SHROOM2: variants seen among roughly 807,000 people sequenced by gnomAD.
SHROOM2 encodes shroom family member 2.
A neutral mutation model predicts 75.9 loss-of-function variants in SHROOM2; 33 were observed. That is an observed-to-expected ratio of 0.43 (90% confidence interval 0.33 to 0.58). The LOEUF is 0.58. Ranked by LOEUF, SHROOM2 falls within the 20% of genes least tolerant of loss-of-function variation. SHROOM2 has a pLI of 0.04. For synonymous variants in SHROOM2, 655 were observed against 663.6 expected (o/e 0.99, Z 0.20); for missense variants, 1,434 against 1,461.2 (o/e 0.98, Z 0.30).
chrX:9,879,127 G>A (rs1014062091), intron 2 of SHROOM2, among the ~76,000 whole-genome samples: 3 of 111,449 alleles, frequency 2.7e-5, no homozygotes, highest in Non-Finnish European at 5.7e-5. Flanking sequence ...GGTGGCTACT[G>A]ACAGGCACAA....
chrX:9,949,218 A>T lies in SHROOM2; in HGVS notation c.*2281A>T, dbSNP rs1412290347. The T allele has an allele frequency of 3.6e-6, 1 of 277,163 alleles. No individual in the cohort carries two copies. The highest frequency in any genetic ancestry group is 2.8e-5 in the African/African-American group (1 of 35,618). The allele number at this position is 277,163 out of a possible 1,213,427, so 22.8% of individuals were successfully genotyped here. On this transcript the variant is annotated 3_prime_UTR_variant, in exon 10 of 10. Coordinates refer to ENST00000380913, the MANE Select transcript of SHROOM2 (RefSeq NM_001649.4). ...TAGTTGTATTATTCATAGAAAATCAATCTGGTGCTAATGGTTGGCCCTGGT... is the reference window on the plus strand; with the variant it reads ...TAGTTGTATTATTCATAGAAAATCATTCTGGTGCTAATGGTTGGCCCTGGT...
intron 6 of SHROOM2, among the ~76,000 whole-genome samples, chrX:9,934,140 C>T (rs1478621341): frequency 1.8e-5 from 2 of 111,450 alleles, no homozygotes; most frequent in African/African-American, 6.5e-5. Context: ...AGCACAGGAC[C>T]CACCATCACC....
intron 1 of SHROOM2, among the ~76,000 whole-genome samples, chrX:9,833,632 GTGTGTGTGTGTGTGCA>G (rs1483828516): frequency 3.6e-5 from 4 of 109,893 alleles, no homozygotes; most frequent in African/African-American, 1.3e-4. Context: ...GTGTGTGTGT[GTGTGTGTGTGTGTGCA>G]TGCACGTGCA....
intron 3 of SHROOM2, among the ~76,000 whole-genome samples, chrX:9,891,382 T>C (rs1425787747): frequency 8.9e-6 from 1 of 112,604 alleles, no homozygotes; most frequent in Admixed American, 9.4e-5. Context: ...AGTAGGGTTC[T>C]GAGCCGGTGG....
At chrX:9,827,828 G>A (rs1231477037) in intron 1 of SHROOM2, among the ~76,000 whole-genome samples, 1 of 110,692 alleles carries the variant, frequency 9.0e-6, no homozygotes, top group East Asian at 2.9e-4. Context: ...CGGGGTGGTT[G>A]GGCTGCATTG....
At position 9,932,314 on chromosome X, in the gene SHROOM2, C is replaced by T. The variant is rs760448051; in HGVS notation, c.3031C>T (p.Arg1011Ter). 3.3e-6 allele frequency: 4 copies of T among 1,208,409 alleles called. No individual in the cohort carries two copies. Among genetic ancestry groups the T allele is most frequent in the Non-Finnish European group, 3.4e-6 (3 of 893,694 alleles). The change falls in exon 6 of 10, where the codon CGA becomes TGA. Residue 1011 changes from arginine to a stop codon, truncating the protein, a stop_gained. Transcript: ENST00000380913. LOFTEE classifies it high-confidence loss of function. ...AGAGCTGCCCCGGGAGGGCCGGGGCCGAGCGGGAACCCTACCTCGAGATTA... is the reference window on the plus strand; with the variant it reads ...AGAGCTGCCCCGGGAGGGCCGGGGCTGAGCGGGAACCCTACCTCGAGATTA... ...APELPREGRG[R>*]AGTLPRDYRY...
At position 9,932,253 on chromosome X, in the gene SHROOM2, C is replaced by T; in HGVS notation, c.2970C>T (p.Pro990=). ...HPPSQKAPNP[P]TFSELSHCRG... ...CGAGTCAGAAGGCACCGAACCCACC[C>T]ACATTCTCTGAACTATCTCACTGCC... Residue 990 remains proline, a synonymous_variant, in exon 6 of 10, where the codon CCC becomes CCT. Transcript: ENST00000380913. 8.4e-7 allele frequency: 1 copy of T among 1,187,657 alleles called. No individual in the cohort carries two copies. The highest frequency in any genetic ancestry group is 1.1e-6 in the Non-Finnish European group (1 of 881,858).
At chrX:9,847,426 C>T (rs763086812) in intron 1 of SHROOM2, among the ~76,000 whole-genome samples, 3 of 112,094 alleles carry the variant, frequency 2.7e-5, no homozygotes, top group Non-Finnish European at 5.6e-5. Flanking sequence ...AATAGCTGTG[C>T]GAATCCAAAT....
chrX:9,888,367 G>C (rs1212803182), intron 2 of SHROOM2, among the ~76,000 whole-genome samples: 1 of 112,295 alleles, frequency 8.9e-6, no homozygotes, highest in Non-Finnish European at 1.9e-5. Context: ...CTTTCCATAC[G>C]GCCTTATCCA....
chrX:9,937,258 C>G lies in SHROOM2; in HGVS notation c.3712C>G (p.Leu1238Val), dbSNP rs1315464749. The G allele has an allele frequency of 8.3e-7, 1 of 1,210,556 alleles. No homozygotes were observed. The highest frequency in any genetic ancestry group is 1.1e-6 in the Non-Finnish European group (1 of 894,851). The change falls in exon 7 of 10, where the codon CTG becomes GTG. Residue 1238 changes from leucine to valine, a missense_variant. Physicochemically the swap from Leu to Val is conservative, Grantham distance 32 (BLOSUM62 1). Coordinates refer to ENST00000380913, the MANE Select transcript of SHROOM2 (RefSeq NM_001649.4). ...SLACPAEPPA[L>V]PHGLEKDQIK... ...GGCATGCCCCGCCGAGCCACCTGCC[C>G]TGCCCCACGGGCTGGAGAAAGACCA...
At chrX:9,881,383 G>A (rs1359507507) in intron 2 of SHROOM2, among the ~76,000 whole-genome samples, 2 of 111,224 alleles carry the variant, frequency 1.8e-5, no homozygotes, top group Middle Eastern at 4.7e-3. Flanking sequence ...AAGACACAGA[G>A]GAATGTTCTC....
At chrX:9,887,101 A>C (rs1167823737) in intron 2 of SHROOM2, among the ~76,000 whole-genome samples, 1 of 112,083 alleles carries the variant, frequency 8.9e-6, no homozygotes, top group East Asian at 2.8e-4. Context: ...CACTGAATTA[A>C]TTCTTATTTT....
chrX:9,831,905 C>T (rs1180098176), intron 1 of SHROOM2, among the ~76,000 whole-genome samples: 1 of 110,695 alleles, frequency 9.0e-6, no homozygotes, highest in East Asian at 2.9e-4. Flanking sequence ...AAGGCCCCAC[C>T]TCCTAACACC....
chrX:9,888,361 C>G (rs2084272449), intron 2 of SHROOM2, among the ~76,000 whole-genome samples: 1 of 112,462 alleles, frequency 8.9e-6, no homozygotes, highest in South Asian at 3.6e-4. Flanking sequence ...GTGTCGCTTT[C>G]CATACGGCCT....
At chrX:9,867,289 G>C (rs1035961006) in intron 1 of SHROOM2, among the ~76,000 whole-genome samples, 1 of 111,404 alleles carries the variant, frequency 9.0e-6, no homozygotes, top group Non-Finnish European at 1.9e-5. Context: ...AACAGTATTT[G>C]CCCGGGTGTG....
intron 1 of SHROOM2, among the ~76,000 whole-genome samples, chrX:9,840,685 G>T (rs891500605): frequency 2.7e-5 from 3 of 112,028 alleles, no homozygotes; most frequent in Non-Finnish European, 5.6e-5. Flanking sequence ...TTATAGTAGG[G>T]TAGATGCTTC....
At chrX:9,941,037 G>T (rs372090826) in intron 8 of SHROOM2, among the ~76,000 whole-genome samples, 1 of 112,133 alleles carries the variant, frequency 8.9e-6, no homozygotes, top group South Asian at 3.7e-4. Flanking sequence ...TTATACTTGG[G>T]GCAGCTCAGA....
chrX:9,831,486 C>T (rs2083915865), intron 1 of SHROOM2, among the ~76,000 whole-genome samples: 1 of 111,559 alleles, frequency 9.0e-6, no homozygotes, highest in Non-Finnish European at 1.9e-5. Flanking sequence ...TGGAGAAACC[C>T]TGTCTCTACT....
At chrX:9,943,329 C>T (rs1251033152) in intron 8 of SHROOM2, among the ~76,000 whole-genome samples, 1 of 111,554 alleles carries the variant, frequency 9.0e-6, no homozygotes, top group East Asian at 2.8e-4. Context: ...GTTTCTCCTG[C>T]TGTGGGGTTG....
Sources: allele counts gnomAD v4.1 joint callset (sites outside exome capture counted in the v4.1 genomes callset), GRCh38; gene constraint gnomAD v4.1.1; transcripts MANE v1.5; gene names NCBI Gene and HGNC (gene_info 2026-07-23, HGNC 2026-07-21).